Variants in ZNF618 observed in about 807,000 individuals in gnomAD.
ZNF618 encodes zinc finger protein 618.
ZNF618 carries 34 observed loss-of-function variants against 103.0 expected under a neutral mutation model. That is an observed-to-expected ratio of 0.33 (90% CI 0.25 to 0.44). The LOEUF is 0.44. Ranked by LOEUF, ZNF618 falls within the 20% of genes least tolerant of loss-of-function variation. The pLI is 1.00. For missense variants in ZNF618, 1,059 were observed against 1,295.4 expected (o/e 0.82, Z 2.80); for synonymous variants, 551 against 542.2 (o/e 1.02, Z -0.23).
rs1838698036 is a variant in ZNF618 at position 113,978,580 on chromosome 9, G to T, written c.77+9420G>T. On this transcript the variant is annotated intron_variant, in intron 2 of 14. Coordinates refer to ENST00000374126, the MANE Select transcript of ZNF618 (RefSeq NM_001318042.2). ...GCTCAGGAAACAGCAAAAAACAAGG[G>T]AGTATATTCCCTGTGTCTTGGGACT... Among the ~76,000 whole-genome samples, 4 of 152,198 alleles carry T rather than the reference G, an allele frequency of 2.6e-5. No individual in the cohort carries two copies. The South Asian group carries it at 8.3e-4, about 32-fold the overall frequency.
chr9:113,956,100 T>C (rs1588146014), intron 1 of ZNF618, among the ~76,000 whole-genome samples: 2 of 149,620 alleles, frequency 1.3e-5, no homozygotes, highest in Middle Eastern at 7.0e-3. Context: ...TCCCAGCTAC[T>C]CGGGAGGCTG....
At chr9:113,986,554 G>A (rs937069177) in intron 2 of ZNF618, among the ~76,000 whole-genome samples, 1 of 152,216 alleles carries the variant, frequency 6.6e-6, no homozygotes, top group Admixed American at 6.5e-5. Flanking sequence ...CCCTGTCACT[G>A]TGTCCTCACG....
At chr9:114,014,586 A>C (rs1842510042) in intron 9 of ZNF618, among the ~76,000 whole-genome samples, 1 of 152,246 alleles carries the variant, frequency 6.6e-6, no homozygotes, top group African/African-American at 2.4e-5. Flanking sequence ...AGTACGAGAA[A>C]ATATAGGGAC....
At chr9:113,941,924 C>G (rs1453801191) in intron 1 of ZNF618, among the ~76,000 whole-genome samples, 5 of 152,160 alleles carry the variant, frequency 3.3e-5, no homozygotes, top group African/African-American at 1.2e-4. Context: ...GCCTAGGATG[C>G]CAGGTGCAGC....
chr9:114,032,399 G>A (rs1350472721), intron 11 of ZNF618, among the ~76,000 whole-genome samples: 1 of 152,046 alleles, frequency 6.6e-6, no homozygotes, highest in African/African-American at 2.4e-5. Context: ...TGTGTTTTTG[G>A]GCATGTCACT....
At chr9:113,928,044 A>G (rs1262365914) in intron 1 of ZNF618, among the ~76,000 whole-genome samples, 2 of 152,198 alleles carry the variant, frequency 1.3e-5, no homozygotes, top group Non-Finnish European at 2.9e-5. Context: ...CGAGGCATGG[A>G]GTGACAGCCT....
At chr9:113,938,144 T>G (rs1834188518) in intron 1 of ZNF618, among the ~76,000 whole-genome samples, 4 of 151,584 alleles carry the variant, frequency 2.6e-5, no homozygotes, top group Non-Finnish European at 4.4e-5. Context: ...TTTGATGTTT[T>G]TAGGAAAGCT....
chr9:113,916,660 A>T (rs1295739444), intron 1 of ZNF618, among the ~76,000 whole-genome samples: 3 of 152,174 alleles, frequency 2.0e-5, no homozygotes, highest in Non-Finnish European at 4.4e-5. Context: ...TGCCTAGAAG[A>T]TGAGAACTGA....
At chr9:113,991,720 T>A (rs1316661321) in intron 3 of ZNF618, among the ~76,000 whole-genome samples, 1 of 152,196 alleles carries the variant, frequency 6.6e-6, no homozygotes, top group Non-Finnish European at 1.5e-5. Context: ...GGCTTCAGTT[T>A]TCTCCCCTGG....
intron 11 of ZNF618, among the ~76,000 whole-genome samples, chr9:114,029,314 G>T (rs1370028892): frequency 6.6e-6 from 1 of 151,864 alleles, no homozygotes; most frequent in Non-Finnish European, 1.5e-5. Flanking sequence ...TTAGTTAATT[G>T]CCAGCTTCTG....
chr9:113,981,579 T>G (rs1838980071), intron 2 of ZNF618, among the ~76,000 whole-genome samples: 1 of 152,156 alleles, frequency 6.6e-6, no homozygotes, highest in Non-Finnish European at 1.5e-5. Context: ...CAGAATGATG[T>G]GGAAACTGTG....
At chr9:113,954,743 C>G (rs1467174833) in intron 1 of ZNF618, among the ~76,000 whole-genome samples, 1 of 152,158 alleles carries the variant, frequency 6.6e-6, no homozygotes, top group Non-Finnish European at 1.5e-5. Context: ...ATTGCATTTC[C>G]TAGGTGCTCT....
intron 1 of ZNF618, among the ~76,000 whole-genome samples, chr9:113,942,813 C>G (rs935702596): frequency 4.6e-5 from 7 of 152,156 alleles, no homozygotes; most frequent in African/African-American, 1.7e-4. Flanking sequence ...GCAACAAGAC[C>G]AGGCTCTGGC....
chr9:113,899,680 G>A lies in ZNF618; in HGVS notation c.33+23267G>A, dbSNP rs547134221. Among the ~76,000 whole-genome samples, 229 of 152,154 alleles carry A rather than the reference G, an allele frequency of 1.5e-3. 9 individuals carry two copies. The highest frequency in any genetic ancestry group is 1.1e-3 in the Non-Finnish European group (74 of 68,028). Reference sequence around the variant, plus strand: ...CCCTGGTACCAAAAGGCTGGGGACCGCTGACTTAGATGACTCTAGGTACCT... The same window carrying A: ...CCCTGGTACCAAAAGGCTGGGGACCACTGACTTAGATGACTCTAGGTACCT... On this transcript the variant is annotated intron_variant, in intron 1 of 14. Coordinates refer to ENST00000374126, the MANE Select transcript of ZNF618 (RefSeq NM_001318042.2).
intron 9 of ZNF618, 85 bp downstream of exon 9, chr9:114,008,639 T>A: frequency 6.7e-7 from 1 of 1,491,590 alleles, no homozygotes; most frequent in South Asian, 1.2e-5. Context: ...AGGGCAGGGG[T>A]AGCAGTGGGT....
At chr9:113,919,498 A>G (rs1832442242) in intron 1 of ZNF618, among the ~76,000 whole-genome samples, 1 of 152,244 alleles carries the variant, frequency 6.6e-6, no homozygotes, top group Non-Finnish European at 1.5e-5. Context: ...TGAGGAGGAA[A>G]ACTGGCTGGC....
intron 2 of ZNF618, among the ~76,000 whole-genome samples, chr9:113,972,237 TG>T (rs1838039676): frequency 6.6e-6 from 1 of 152,092 alleles, no homozygotes; most frequent in East Asian, 1.9e-4. Flanking sequence ...TTTGTAGAGC[TG>T]GGGTTTCACT....
At chr9:113,949,795 T>C (rs1429622767) in intron 1 of ZNF618, among the ~76,000 whole-genome samples, 1 of 151,728 alleles carries the variant, frequency 6.6e-6, no homozygotes, top group Non-Finnish European at 1.5e-5. Flanking sequence ...AGGGCCTTTC[T>C]AGGATCGTTT....
In ZNF618 at chr9:114,032,650, A is replaced by C; in HGVS notation, c.1090A>C (p.Ser364Arg). The change falls in exon 12 of 15, where the codon AGC becomes CGC. Residue 364 changes from serine (S) to arginine (R), a missense_variant. Transcript: ENST00000374126. ...CTCTCCTGTCCCCCACCCAGCAGAA[A>C]GCGCTTTCAGTCGGAGAGTAGAAGG... The part of the protein sequence containing the change: ...SPASKATAAE[S>R]AFSRRVEGKA... 6.2e-7 allele frequency: 1 copy of C among 1,614,012 alleles called. No homozygotes were observed. Among genetic ancestry groups the C allele is most frequent in the Non-Finnish European group, 8.5e-7 (1 of 1,179,874 alleles).
Sources: allele counts gnomAD v4.1 joint callset (sites outside exome capture counted in the v4.1 genomes callset), GRCh38; gene constraint gnomAD v4.1.1; transcripts MANE v1.5; gene names NCBI Gene and HGNC (gene_info 2026-07-23, HGNC 2026-07-21).